Variants in HCN2 observed in about 807,000 individuals in gnomAD.
HCN2 encodes hyperpolarization activated cyclic nucleotide gated potassium and sodium channel 2.
A neutral mutation model predicts 52.3 loss-of-function variants in HCN2; 20 were observed. The ratio of observed to expected loss-of-function variants is 0.38; its 90% confidence interval spans 0.27 to 0.56. The LOEUF (loss-of-function observed/expected upper bound fraction) is 0.56, where lower values mean the gene tolerates loss of function less well. Among genes scored for constraint, HCN2 ranks in the 20% least tolerant of loss-of-function variants. The pLI is 0.71. For missense variants in HCN2, 981 were observed against 1,207.7 expected, an observed-to-expected ratio of 0.81 and a Z score of 2.78; for synonymous variants, 694 against 537.0, an observed-to-expected ratio of 1.29 and a Z score of -4.04.
chr19:608,232 T>G, intron 4 of HCN2, 50 bp downstream of exon 4: 1 of 1,534,992 alleles, frequency 6.5e-7, no homozygotes, highest in Non-Finnish European at 9.0e-7. Context: ...GAGGCGGGCC[T>G]GGATCTGGGG....
At chr19:604,467 T>C (rs1250145347) in intron 2 of HCN2, among the ~76,000 whole-genome samples, 1 of 70,924 alleles carries the variant, frequency 1.4e-5, no homozygotes, top group Admixed American at 1.7e-4. Context: ...TGGGGTGGAG[T>C]CAAGCAGCAG....
chr19:615,748 C>T (rs754350653), intron 7 of HCN2, 47 bp from the exon 8 acceptor site: 10 of 1,582,860 alleles, frequency 6.3e-6, no homozygotes, highest in South Asian at 1.1e-5. Context: ...GCCCGCTGTA[C>T]GCAGCAGGCG....
intron 1 of HCN2, among the ~76,000 whole-genome samples, chr19:596,710 G>T (rs1983041620): frequency 6.6e-6 from 1 of 152,198 alleles, no homozygotes; most frequent in African/African-American, 2.4e-5. Flanking sequence ...ATGGTGGCCG[G>T]ATGGGGAAAG....
chr19:596,713 G>T (rs886999452), intron 1 of HCN2, among the ~76,000 whole-genome samples: 3 of 152,194 alleles, frequency 2.0e-5, no homozygotes, highest in African/African-American at 7.2e-5. Context: ...GTGGCCGGAT[G>T]GGGAAAGGGC....
intron 3 of HCN2, 117 bp from the exon 4 acceptor site, chr19:607,847 C>G (rs1983472476): frequency 1.4e-6 from 1 of 701,848 alleles, no homozygotes; most frequent in Non-Finnish European, 2.4e-6. Flanking sequence ...TACCTCTGAA[C>G]ATGGGGAGCT....
chr19:613,638 C>CGGGGAT (rs1291646632), intron 6 of HCN2, 150 bp downstream of exon 6: 10 of 37,540 alleles, frequency 2.7e-4, no homozygotes, highest in Admixed American at 1.0e-3. Flanking sequence ...GGGATGGGGC[C>CGGGGAT]GGGGATGGGG....
chr19:602,436 G>A (rs1983237617), intron 1 of HCN2, among the ~76,000 whole-genome samples: 1 of 151,962 alleles, frequency 6.6e-6, no homozygotes. Flanking sequence ...CCTCCTGCGT[G>A]GACGCCCCAC....
intron 3 of HCN2, 21 bp downstream of exon 3, chr19:605,243 C>G (rs777003642): frequency 1.9e-6 from 3 of 1,607,442 alleles, no homozygotes; most frequent in East Asian, 4.5e-5. Flanking sequence ...CGGGCCCTGA[C>G]GGAGGGGGAG....
At chr19:597,234 A>C (rs1409730119) in intron 1 of HCN2, among the ~76,000 whole-genome samples, 2 of 152,238 alleles carry the variant, frequency 1.3e-5, no homozygotes, top group African/African-American at 4.8e-5. Flanking sequence ...TTCTGGGGAC[A>C]CAGGAGCAGA....
intron 4 of HCN2, among the ~76,000 whole-genome samples, chr19:609,225 C>G (rs1983523750): frequency 6.6e-6 from 1 of 152,192 alleles, no homozygotes; most frequent in Non-Finnish European, 1.5e-5. Context: ...CCGGGCGGGG[C>G]TGGGGCGGAA....
Position 595,210 on chromosome 19 carries a change from A to T in HCN2, c.632+4633A>T, listed in dbSNP as rs544457969. 5.2e-4 allele frequency among the ~76,000 whole-genome samples: 79 copies of T among 151,846 alleles called. 1 individual carries two copies. The highest frequency in any genetic ancestry group is 4.5e-3 in the Admixed American group (68 of 15,270). ...GAGTGAGACCCTGTCTCAAAAAAAT[A>T]AAAAAAACCTAAAAACCCACATATT... On this transcript the variant is annotated intron_variant, in intron 1 of 7. Coordinates refer to ENST00000251287, the MANE Select transcript of HCN2 (RefSeq NM_001194.4).
In HCN2 at chr19:603,934, A is replaced by G. The variant is rs146340939; in HGVS notation, c.1023A>G (p.Ser341=). Reference sequence around the variant, plus strand: ...GCCTCCTGCGGCTGCTGCGCCTCTCACGCCTGATCCGCTACATCCATCAGT... The same window carrying G: ...GCCTCCTGCGGCTGCTGCGCCTCTCGCGCCTGATCCGCTACATCCATCAGT... ...ILSLLRLLRL[S]RLIRYIHQWE... Residue 341 remains serine, a synonymous_variant, in exon 2 of 8, where the codon TCA becomes TCG. Coordinates refer to ENST00000251287, the MANE Select transcript of HCN2 (RefSeq NM_001194.4). 147 of 1,367,070 alleles carry G rather than the reference A, an allele frequency of 1.1e-4. No individual in the cohort carries two copies. In the African/African-American group the frequency reaches 2.2e-3, roughly 20 times the overall value. 84.7% of individuals were successfully genotyped at this position (1,367,070 alleles called of 1,614,324 possible).
rs759760819 is a variant in HCN2, at chr19:616,383, G to A, written c.2579G>A (p.Ser860Asn). 3 of 1,236,794 alleles carry A rather than the reference G, an allele frequency of 2.4e-6. No individual in the cohort carries two copies. Among genetic ancestry groups the A allele is most frequent in the South Asian group, 2.1e-5 (1 of 47,354 alleles). 76.6% of individuals were successfully genotyped at this position (1,236,794 alleles called of 1,614,324 possible). A position where few individuals can be genotyped will look rare whatever the true frequency, so the allele number is the denominator to read the frequency against. The change falls in exon 8 of 8, where the codon AGC becomes AAC. Residue 860 changes from serine to asparagine, a missense_variant. Coordinates refer to ENST00000251287, the MANE Select transcript of HCN2 (RefSeq NM_001194.4). ...CCCGCTGCCCGGGCCGCCGCGCCCA[G>A]CCCGGACCGCAGGGACTCGGCCTCA... ...PTPAARAAAP[S>N]PDRRDSASPG...
chr19:595,667 G>C (rs1005751017), intron 1 of HCN2, among the ~76,000 whole-genome samples: 7 of 152,312 alleles, frequency 4.6e-5, no homozygotes, highest in African/African-American at 1.4e-4. Flanking sequence ...GTCATCGTGT[G>C]CCCCGGCGCC....
chr19:613,506 G>A lies in HCN2; in HGVS notation c.1825+18G>A, dbSNP rs1568368521. ...CTTCGGGGGTGAGCTTGAGGGGGGC[G>A]CGCCTGGAGGGGGAGGGGGCACGCG... On this transcript the variant is annotated intron_variant, in intron 6 of 7. Coordinates refer to ENST00000251287, the MANE Select transcript of HCN2 (RefSeq NM_001194.4). 3 of 1,544,390 alleles carry A rather than the reference G, an allele frequency of 1.9e-6. No individual in the cohort carries two copies. The highest frequency in any genetic ancestry group is 2.8e-5 in the African/African-American group (2 of 70,368).
At position 613,441 on chromosome 19, in the gene HCN2, C is replaced by G. The variant is rs1380438606; in HGVS notation, c.1778C>G (p.Thr593Ser). Residue 593 changes from threonine to serine, a missense_variant, in exon 6 of 8, where the codon ACT (threonine) becomes AGT (serine). By Grantham distance (58) the Thr-to-Ser change is moderately conservative (BLOSUM62 1). Transcript: ENST00000251287. ...CAGCACGGCGTGGTCAGCGTGCTCA[C>G]TAAGGGCAACAAGGAGATGAAGCTG... Reference protein sequence around the residue: ...FIQHGVVSVLTKGNKEMKLSD... With the variant: ...FIQHGVVSVLSKGNKEMKLSD... 1.2e-6 allele frequency: 2 copies of G among 1,610,698 alleles called. No individual in the cohort carries two copies. The highest frequency in any genetic ancestry group is 3.3e-5 in the Admixed American group (2 of 59,740).
rs920051130 is a variant in HCN2, at chr19:617,156, C to A, written c.*682C>A. On this transcript the variant is annotated 3_prime_UTR_variant, in exon 8 of 8. Coordinates refer to ENST00000251287, the MANE Select transcript of HCN2 (RefSeq NM_001194.4). ...CGCGCAATAAACGACAGCATTGGCG[C>A]CAAGCCTGGCCGCGTGTGATTGCCC... is the stretch of plus-strand genomic sequence containing the variant. 7 of 1,121,294 alleles carry A rather than the reference C, an allele frequency of 6.2e-6. No homozygotes were observed. Among genetic ancestry groups the A allele is most frequent in the African/African-American group, 1.5e-5 (1 of 64,934 alleles). 69.5% of individuals were successfully genotyped at this position (1,121,294 alleles called of 1,614,324 possible).
At position 610,244 on chromosome 19, in the gene HCN2, G is replaced by T. The variant is rs560228941; in HGVS notation, c.1438-15G>T. 4 of 1,610,338 alleles carry T rather than the reference G, an allele frequency of 2.5e-6. No individual in the cohort carries two copies. The highest frequency in any genetic ancestry group is 1.7e-5 in the Admixed American group (1 of 59,880). On this transcript the variant is annotated splice_polypyrimidine_tract_variant and intron_variant, in intron 4 of 7. Coordinates refer to ENST00000251287, the MANE Select transcript of HCN2 (RefSeq NM_001194.4). ...CGGGGGCGGTGTCTGACCCAGCCTC[G>T]CCTCCTCCCCACAGTACAAGCAGGT... is the stretch of plus-strand genomic sequence containing the variant.
At chr19:600,622 G>GGC (rs1240305546) in intron 1 of HCN2, among the ~76,000 whole-genome samples, 3 of 152,012 alleles carry the variant, frequency 2.0e-5, no homozygotes, top group Admixed American at 1.3e-4. Flanking sequence ...TGGGATTACA[G>GGC]ACGTGAGCCA....
Sources: gnomAD v4.1 joint callset for allele counts (sites outside exome capture counted in the v4.1 genomes callset) on GRCh38, gnomAD v4.1.1 for gene constraint, MANE v1.5 for transcripts, NCBI Gene and HGNC (gene_info 2026-07-23, HGNC 2026-07-21) for gene names.